Variants in IFT140 observed in about 807,000 individuals in gnomAD.
The protein encoded by IFT140 is intraflagellar transport 140.
A neutral mutation model predicts 164.6 loss-of-function variants in IFT140; 133 were observed. The observed-to-expected ratio is 0.81, with a 90% CI of 0.70 to 0.93. The LOEUF (loss-of-function observed/expected upper bound fraction) is 0.93, where lower values mean the gene tolerates loss of function less well. Among genes scored for constraint, IFT140 ranks in the 40% least tolerant of loss-of-function variants. The pLI is 0.00. For synonymous variants in IFT140, 860 were observed against 817.3 expected (o/e 1.05, Z -0.89); for missense variants, 2,045 against 1,972.3 (o/e 1.04, Z -0.70).
Position 1,537,725 on chromosome 16 carries a change from C to T in IFT140, c.2400-10929G>A, listed in dbSNP as rs74006327. Reference sequence around the variant, plus strand: ...TTACGTCATCTCTCTGTATTTCGTGCGTTCTGTCAGGCATCTGAAACAAGG... The same window carrying T: ...TTACGTCATCTCTCTGTATTTCGTGTGTTCTGTCAGGCATCTGAAACAAGG... On this transcript the variant is annotated intron_variant, in intron 19 of 30. Coordinates refer to ENST00000426508, the MANE Select transcript of IFT140 (RefSeq NM_014714.4). 8.0e-3 allele frequency among the ~76,000 whole-genome samples: 1,219 copies of T among 152,324 alleles called. 19 individuals are homozygous for T. The highest frequency in any genetic ancestry group is 0.028 in the African/African-American group (1,145 of 41,578).
chr16:1,515,582 G>C (rs1221072182), intron 30 of IFT140, among the ~76,000 whole-genome samples: 1 of 151,856 alleles, frequency 6.6e-6, no homozygotes, highest in Non-Finnish European at 1.5e-5. Flanking sequence ...ATTTTTTTCA[G>C]AGATGGGGTC....
chr16:1,554,180 G>A (rs761058522), intron 19 of IFT140: 249 of 1,249,180 alleles, frequency 2.0e-4, no homozygotes, highest in Middle Eastern at 6.8e-4. Context: ...CCCCATCTCC[G>A]CCCTGCCTGA....
chr16:1,557,712 A>G (rs2033177268), intron 19 of IFT140: 1 of 563,270 alleles, frequency 1.8e-6, no homozygotes, highest in Non-Finnish European at 3.2e-6. Context: ...GGAAGCAGCT[A>G]AACAGCCCGA....
intron 24 of IFT140, chr16:1,524,297 C>T (rs973171351): frequency 1.6e-6 from 1 of 619,730 alleles, no homozygotes; most frequent in Non-Finnish European, 2.8e-6. Flanking sequence ...CGTGAGCAGC[C>T]TCACCACCCA....
chr16:1,553,479 G>C lies in IFT140; in HGVS notation c.2399+4456C>G, dbSNP rs1017937274. On this transcript the variant is annotated intron_variant, in intron 19 of 30. Coordinates refer to ENST00000426508, the MANE Select transcript of IFT140 (RefSeq NM_014714.4). The surrounding 1 kb of genome is among the most constrained non-coding windows in gnomAD (Gnocchi z 4.4). ...GTGTCAACATGCAGGCCAGGCGGAG[G>C]GACAGCAGTGGGGCTCGGCGTGGCC... The C allele has an allele frequency of 2.0e-6, 2 of 985,480 alleles. No individual in the cohort carries two copies. The allele number at this position is 985,480 out of a possible 1,614,324, so 61.0% of individuals were successfully genotyped here. A position where few individuals can be genotyped will look rare whatever the true frequency, so the allele number is the denominator to read the frequency against.
intron 4 of IFT140, 97 bp downstream of exon 4, chr16:1,602,273 G>GCAA (rs942217177): frequency 1.9e-6 from 2 of 1,052,564 alleles, no homozygotes; most frequent in African/African-American, 3.1e-5. Flanking sequence ...ACTGAATTTG[G>GCAA]CAACAGCACG....
chr16:1,587,702 C>G (rs951845944), intron 8 of IFT140, among the ~76,000 whole-genome samples: 3 of 152,200 alleles, frequency 2.0e-5, no homozygotes, highest in Non-Finnish European at 4.4e-5. Flanking sequence ...GCAGGGCCAC[C>G]TGGGGGTAAG....
chr16:1,586,323 C>CTT (rs2034876876), intron 9 of IFT140, 48 bp from the exon 10 acceptor site: 1 of 1,559,514 alleles, frequency 6.4e-7, no homozygotes, highest in Non-Finnish European at 8.7e-7. Context: ...AAAAAGGGAA[C>CTT]AAAACAGCAA....
intron 19 of IFT140, among the ~76,000 whole-genome samples, chr16:1,542,327 C>T (rs1466348621): frequency 1.3e-5 from 2 of 152,256 alleles, no homozygotes; most frequent in Admixed American, 6.5e-5. Context: ...GTCTGTCACA[C>T]CCTTTTCCAC....
At chr16:1,592,660 G>A (rs2035243605) in intron 4 of IFT140, 72 bp from the exon 5 acceptor site, 3 of 1,537,404 alleles carry the variant, frequency 2.0e-6, no homozygotes, top group South Asian at 2.5e-5. Context: ...CAGGTGTCCT[G>A]GCAGAGCGAC....
At chr16:1,573,423 T>TCC (rs2034120323) in intron 13 of IFT140, among the ~76,000 whole-genome samples, 1 of 151,878 alleles carries the variant, frequency 6.6e-6, no homozygotes, top group African/African-American at 2.4e-5. Context: ...CATTCCCAAC[T>TCC]CCCAAAGTAC....
intron 30 of IFT140, among the ~76,000 whole-genome samples, chr16:1,516,449 C>A (rs1415768923): frequency 6.6e-6 from 1 of 151,892 alleles, no homozygotes; most frequent in Non-Finnish European, 1.5e-5. Context: ...AGATAAAAAG[C>A]TGATAGCTAA....
chr16:1,513,618 G>A (rs922537424), intron 30 of IFT140, among the ~76,000 whole-genome samples: 1 of 152,084 alleles, frequency 6.6e-6, no homozygotes, highest in Non-Finnish European at 1.5e-5. Flanking sequence ...CCGTGAGCAG[G>A]CTGATGCTGG....
chr16:1,526,231 C>A lies in IFT140; in HGVS notation c.2578-154G>T, dbSNP rs143496252. 666 of 718,790 alleles carry A rather than the reference C, an allele frequency of 9.3e-4. 2 individuals carry two copies. The highest frequency in any genetic ancestry group is 1.4e-3 in the Non-Finnish European group (598 of 439,782). 44.5% of individuals were successfully genotyped at this position (718,790 alleles called of 1,614,324 possible). A position where few individuals can be genotyped will look rare whatever the true frequency, so the allele number is the denominator to read the frequency against. ...TGTGGGCACAGCAAACGCCACACAC[C>A]CACGGGGCATCCCCGTCCCACGGCT... On this transcript the variant is annotated intron_variant, in intron 20 of 30. Coordinates refer to ENST00000426508, the MANE Select transcript of IFT140 (RefSeq NM_014714.4).
At chr16:1,518,024 G>A (rs2040413279) in intron 30 of IFT140, 192 bp downstream of exon 30, 1 of 520,240 alleles carries the variant, frequency 1.9e-6, no homozygotes, top group South Asian at 2.4e-5. Flanking sequence ...TTTTTGTAGA[G>A]ATGGGGTTTC....
intron 12 of IFT140, among the ~76,000 whole-genome samples, chr16:1,582,317 G>C (rs1480772644): frequency 6.6e-6 from 1 of 152,172 alleles, no homozygotes; most frequent in Non-Finnish European, 1.5e-5. Context: ...TTTCAGACCA[G>C]GGGCAATGTG....
Position 1,533,358 on chromosome 16 carries a change from G to C in IFT140, c.2400-6562C>G, listed in dbSNP as rs2030709553. 1.3e-5 allele frequency: 2 copies of C among 151,794 alleles called. No individual in the cohort carries two copies. The highest frequency in any genetic ancestry group is 4.9e-5 in the African/African-American group (2 of 40,980). The allele number at this position is 151,794 out of a possible 1,614,324, so 9.4% of individuals were successfully genotyped here. ...GGTCCTGGGGGCAACTGGATGGCTGGGGGGTGTGAAGTCCCCAGGGCAGGC... is the reference window on the plus strand; with the variant it reads ...GGTCCTGGGGGCAACTGGATGGCTGCGGGGTGTGAAGTCCCCAGGGCAGGC... On this transcript the variant is annotated intron_variant, in intron 19 of 30. Transcript: ENST00000426508. This position sits in a 1 kb window ranked among gnomAD's most constrained non-coding sequence, Gnocchi z 4.7.
intron 2 of IFT140, among the ~76,000 whole-genome samples, chr16:1,607,800 T>C (rs1397100353): frequency 1.3e-5 from 2 of 152,208 alleles, no homozygotes; most frequent in African/African-American, 4.8e-5. Context: ...TGCACTACCA[T>C]GCCCAGCTAA....
chr16:1,525,133 A>G, intron 22 of IFT140, 98 bp downstream of exon 22: 1 of 1,213,508 alleles, frequency 8.2e-7, no homozygotes, highest in East Asian at 2.4e-5. Flanking sequence ...CCACTCGTGC[A>G]GGAAGCACGG....
Sources: allele counts gnomAD v4.1 joint callset (sites outside exome capture counted in the v4.1 genomes callset), GRCh38; gene constraint gnomAD v4.1.1; non-coding constraint Gnocchi (gnomAD v3.1); transcripts MANE v1.5; gene names NCBI Gene and HGNC (gene_info 2026-07-23, HGNC 2026-07-21).